IARS2: variants seen among roughly 807,000 people sequenced by gnomAD.
IARS2 encodes isoleucine--tRNA ligase, mitochondrial.
Under a neutral mutation model 126.3 loss-of-function variants are expected in IARS2, and 56 were observed. The observed-to-expected ratio is 0.44, with a 90% CI of 0.36 to 0.55. The LOEUF (loss-of-function observed/expected upper bound fraction) is 0.55. Among genes scored for constraint, IARS2 ranks in the 20% least tolerant of loss-of-function variants. The pLI is 0.00. For synonymous variants in IARS2, 407 were observed against 441.1 expected (o/e 0.92, Z 0.97); for missense variants, 1,127 against 1,245.9 (o/e 0.90, Z 1.44).
At chr1:220,119,657 A>G (rs980995223) in intron 12 of IARS2, among the ~76,000 whole-genome samples, 5 of 152,128 alleles carry the variant, frequency 3.3e-5, no homozygotes, top group African/African-American at 1.2e-4. Context: ...CCCAAAGGAA[A>G]TAGGACTAAT....
chr1:220,111,576 GTATATA>G lies in IARS2; in HGVS notation c.1479+657_1479+662del, dbSNP rs148565915. On this transcript the variant is annotated intron_variant, in intron 11 of 22. Coordinates refer to ENST00000366922, the MANE Select transcript of IARS2 (RefSeq NM_018060.4). ...ATTTAATATGTATCTTTCTATATGG[GTATATA>G]TATATATATATATATATGTGTGTGT... 6.5e-4 allele frequency among the ~76,000 whole-genome samples: 91 copies of G among 139,548 alleles called. 1 individual carries two copies. Among genetic ancestry groups the G allele is most frequent in the South Asian group, 2.6e-3 (11 of 4,276 alleles). 91.5% of individuals were successfully genotyped at this position (139,548 alleles called of 152,430 possible).
intron 2 of IARS2, among the ~76,000 whole-genome samples, chr1:220,099,813 G>A (rs964785827): frequency 7.9e-5 from 12 of 152,020 alleles, no homozygotes; most frequent in African/African-American, 2.9e-4. Flanking sequence ...TTTTTAATGT[G>A]ACAACCACTC....
intron 1 of IARS2, among the ~76,000 whole-genome samples, chr1:220,095,774 T>A (rs1320490222): frequency 6.6e-6 from 1 of 152,154 alleles, no homozygotes; most frequent in African/African-American, 2.4e-5. Flanking sequence ...TCCTTCAACA[T>A]GTCGGGGGTG....
At position 220,133,103 on chromosome 1, in the gene IARS2, C is replaced by T. The variant is rs112675706; in HGVS notation, c.1838-1299C>T. ...TCTGCCCACTGTAACCTCCACCTCC[C>T]AGGTTCAAGTGATTCTCCTGCTTCA... On this transcript the variant is annotated intron_variant, in intron 14 of 22. Coordinates refer to ENST00000366922, the MANE Select transcript of IARS2 (RefSeq NM_018060.4). Among the ~76,000 whole-genome samples the T allele has an allele frequency of 7.6e-3, 1,148 of 151,912 alleles. 20 individuals carry two copies. The highest frequency in any genetic ancestry group is 0.026 in the African/African-American group (1,080 of 41,426).
intron 14 of IARS2, among the ~76,000 whole-genome samples, chr1:220,133,851 C>T (rs980495160): frequency 6.6e-6 from 1 of 151,790 alleles, no homozygotes; most frequent in African/African-American, 2.4e-5. Context: ...TGGATAGTCT[C>T]TTAACATAAC....
intron 20 of IARS2, among the ~76,000 whole-genome samples, chr1:220,142,159 G>T (rs1162085476): frequency 4.6e-5 from 7 of 152,202 alleles, no homozygotes; most frequent in South Asian, 2.1e-4. Flanking sequence ...TGTATTAGCA[G>T]CTTGACAGTG....
chr1:220,138,913 A>G, intron 17 of IARS2, 95 bp from the exon 18 acceptor site: 1 of 1,168,938 alleles, frequency 8.6e-7, no homozygotes, highest in Non-Finnish European at 1.2e-6. Flanking sequence ...CCCCACTAAG[A>G]AAATGACAAG....
intron 2 of IARS2, among the ~76,000 whole-genome samples, chr1:220,096,906 C>T (rs1279930145): frequency 2.6e-5 from 4 of 152,120 alleles, no homozygotes; most frequent in African/African-American, 9.7e-5. Flanking sequence ...ATTAGCCACG[C>T]ATGGTGGCGG....
In IARS2 at chr1:220,147,685, G is replaced by C; in HGVS notation, c.*50G>C. The C allele has an allele frequency of 6.3e-7, 1 of 1,582,574 alleles. No individual in the cohort carries two copies. Among genetic ancestry groups the C allele is most frequent in the Non-Finnish European group, 8.6e-7 (1 of 1,159,448 alleles). ...ACCCTCCTGACAGTACTGGCTAGAA[G>C]TTTGGATGGATTATTTACAATATAG... On this transcript the variant is annotated 3_prime_UTR_variant, in exon 23 of 23. Transcript: ENST00000366922.
chr1:220,118,003 C>T (rs1431858956), intron 12 of IARS2: 2 of 442,548 alleles, frequency 4.5e-6, no homozygotes, highest in Non-Finnish European at 9.2e-6. Context: ...TTTGGTGTTA[C>T]AAAACTTGAA....
intron 13 of IARS2, 125 bp from the exon 14 acceptor site, chr1:220,126,625 A>G: frequency 1.4e-6 from 1 of 717,860 alleles, no homozygotes; most frequent in Non-Finnish European, 2.4e-6. Context: ...AAAATACTGT[A>G]AATTTCATCT....
chr1:220,121,883 G>A (rs1251820061), intron 12 of IARS2, among the ~76,000 whole-genome samples: 2 of 152,194 alleles, frequency 1.3e-5, no homozygotes, highest in African/African-American at 2.4e-5. Flanking sequence ...CATGAGGCCA[G>A]GCATTTGAGA....
At chr1:220,107,001 A>C in intron 9 of IARS2, 60 bp from the exon 10 acceptor site, 1 of 1,078,708 alleles carries the variant, frequency 9.3e-7, no homozygotes, top group Non-Finnish European at 1.4e-6. Flanking sequence ...TTGTTTTGCC[A>C]GATATTGTCA....
intron 1 of IARS2, among the ~76,000 whole-genome samples, chr1:220,095,107 C>T (rs1413875349): frequency 1.3e-5 from 2 of 152,338 alleles, no homozygotes; most frequent in Middle Eastern, 6.8e-3. Context: ...GGCGCGATCT[C>T]AGCTCACTAC....
chr1:220,106,832 A>G (rs1301875537), intron 9 of IARS2, among the ~76,000 whole-genome samples: 1 of 151,982 alleles, frequency 6.6e-6, no homozygotes, highest in Non-Finnish European at 1.5e-5. Flanking sequence ...GGGTTTCACC[A>G]TGTTGGCCAG....
At position 220,107,140 on chromosome 1, in the gene IARS2, G is replaced by A; in HGVS notation, c.1316G>A (p.Gly439Glu). ...ELQNKAVLEE[G>E]TDVVIKMLQT... ...CAAAACAAGGCTGTCCTTGAAGAGG[G>A]AACTGATGTGGGTGAGCATCATATC... The change falls in exon 10 of 23, where the codon GGA becomes GAA. Residue 439 changes from glycine (G) to glutamate (E), a missense_variant. By Grantham distance (98) the Gly-to-Glu change is moderately conservative. Coordinates refer to ENST00000366922, the MANE Select transcript of IARS2 (RefSeq NM_018060.4). 1 of 1,610,234 alleles carries A rather than the reference G, an allele frequency of 6.2e-7. No individual in the cohort carries two copies. The highest frequency in any genetic ancestry group is 8.5e-7 in the Non-Finnish European group (1 of 1,176,452).
rs1656888562 is a variant in IARS2, at chr1:220,115,144, A to G, written c.1640+670A>G. The stretch of plus-strand genomic sequence containing the variant: ...CAGCACATACATATGTTTATACAAA[A>G]GAGAGTATCTCTATCTTCTGCTCTG... On this transcript the variant is annotated intron_variant, in intron 12 of 22. Coordinates refer to ENST00000366922, the MANE Select transcript of IARS2 (RefSeq NM_018060.4). 2.0e-5 allele frequency among the ~76,000 whole-genome samples: 3 copies of G among 152,224 alleles called. No individual in the cohort carries two copies. In the South Asian group the frequency reaches 6.2e-4, roughly 32 times the overall value.
At chr1:220,110,614 T>C (rs1435510691) in intron 10 of IARS2, among the ~76,000 whole-genome samples, 172 bp from the exon 11 acceptor site, 1 of 152,178 alleles carries the variant, frequency 6.6e-6, no homozygotes, top group Non-Finnish European at 1.5e-5. Flanking sequence ...TTTGCCTGCC[T>C]CAGCCTCGCA....
chr1:220,138,923 G>T, intron 17 of IARS2, 85 bp from the exon 18 acceptor site: 2 of 1,217,556 alleles, frequency 1.6e-6, no homozygotes, highest in South Asian at 1.5e-5. Flanking sequence ...AAAATGACAA[G>T]AGTTAGTAAT....
Sources: gnomAD v4.1 joint callset for allele counts (sites outside exome capture counted in the v4.1 genomes callset) on GRCh38, gnomAD v4.1.1 for gene constraint, MANE v1.5 for transcripts, NCBI Gene and HGNC (gene_info 2026-07-23, HGNC 2026-07-21) for gene names.